The following CERT1 variants were observed in gnomAD, a reference collection of about 807,000 sequenced individuals.
CERT1 encodes ceramide transporter 1, also known as ceramide transfer protein.
Under a neutral mutation model 87.9 loss-of-function variants are expected in CERT1, and 31 were observed. That is an observed-to-expected ratio of 0.35 (90% CI 0.27 to 0.48). CERT1 has a LOEUF of 0.48. Ranked by LOEUF, CERT1 falls within the 20% of genes least tolerant of loss-of-function variation. CERT1 has a pLI of 0.99. For missense variants in CERT1, 487 were observed against 758.0 expected, an observed-to-expected ratio of 0.64 and a Z score of 4.20; for synonymous variants, 289 against 250.9, an observed-to-expected ratio of 1.15 and a Z score of -1.44.
At chr5:75,374,964 T>C (rs1761236478), downstream of CERT1, 1 of 250,994 alleles carries the variant, frequency 4.0e-6, no homozygotes, top group Non-Finnish European at 7.9e-6. Flanking sequence ...CAGTGTATTT[T>C]CATGGAGAAG....
At chr5:75,369,131 G>A (rs1411932706) in intron 17 of CERT1, 1 of 152,048 alleles carries the variant, frequency 6.6e-6, no homozygotes, top group Non-Finnish European at 1.5e-5. Context: ...AGACAGGCTG[G>A]TCTTCAACTC....
intron 3 of CERT1, among the ~76,000 whole-genome samples, chr5:75,442,754 G>A (rs1764377392): frequency 1.3e-5 from 2 of 152,152 alleles, no homozygotes. Flanking sequence ...ATTTTGAAAG[G>A]AGAGAGGGAG....
intron 2 of CERT1, among the ~76,000 whole-genome samples, chr5:75,460,247 T>C (rs1344018602): frequency 6.6e-6 from 1 of 152,188 alleles, no homozygotes; most frequent in Admixed American, 6.5e-5. Context: ...TCAAATCTTA[T>C]GAAATTTAAC....
At chr5:75,468,475 T>C (rs1175542729) in intron 2 of CERT1, among the ~76,000 whole-genome samples, 1 of 152,148 alleles carries the variant, frequency 6.6e-6, no homozygotes, top group Non-Finnish European at 1.5e-5. Context: ...TCATGGTAAC[T>C]GAATCCAGGT....
At position 75,474,907 on chromosome 5, in the gene CERT1, T is replaced by C. The variant is rs777867529; in HGVS notation, c.232-15726A>G. Among the ~76,000 whole-genome samples the C allele has an allele frequency of 1.0e-3, 99 of 96,576 alleles. 1 individual carries two copies. The highest frequency in any genetic ancestry group is 1.7e-3 in the Non-Finnish European group (92 of 53,174). 63.4% of individuals were successfully genotyped at this position (96,576 alleles called of 152,430 possible). A position where few individuals can be genotyped will look rare whatever the true frequency, so the allele number is the denominator to read the frequency against. On this transcript the variant is annotated intron_variant, in intron 2 of 16. Transcript: ENST00000643780. ...AGACTATATGAGTCTAATAATCTCA[T>C]GTAGTCTATTTGAGGGAGTCTAATA...
chr5:75,448,710 C>T (rs1358631402), intron 3 of CERT1, among the ~76,000 whole-genome samples: 1 of 152,088 alleles, frequency 6.6e-6, no homozygotes, highest in East Asian at 1.9e-4. Context: ...TCCCATGTGT[C>T]CCAGTGACTG....
intron 11 of CERT1, among the ~76,000 whole-genome samples, chr5:75,391,921 AAAG>A (rs1459366562): frequency 2.0e-5 from 3 of 152,244 alleles, no homozygotes; most frequent in African/African-American, 7.2e-5. Context: ...GTTACCTATG[AAAG>A]AAGAATGTGA....
chr5:75,387,507 C>T (rs183214653), intron 12 of CERT1, among the ~76,000 whole-genome samples: 4 of 151,818 alleles, frequency 2.6e-5, no homozygotes, highest in Admixed American at 6.6e-5. Context: ...TTTGGGAGGC[C>T]GAGGCGGGCG....
chr5:75,473,921 T>G (rs1765833991), intron 2 of CERT1, among the ~76,000 whole-genome samples: 1 of 152,196 alleles, frequency 6.6e-6, no homozygotes, highest in Non-Finnish European at 1.5e-5. Context: ...TGGCTGTCAA[T>G]CTTAATCATT....
At chr5:75,460,170 T>A (rs1765166753) in intron 2 of CERT1, among the ~76,000 whole-genome samples, 1 of 152,104 alleles carries the variant, frequency 6.6e-6, no homozygotes, top group African/African-American at 2.4e-5. Context: ...TTTTTCTTAC[T>A]CCATTATTCA....
intron 3 of CERT1, among the ~76,000 whole-genome samples, chr5:75,448,329 T>C (rs1049910918): frequency 2.6e-5 from 4 of 152,218 alleles, no homozygotes; most frequent in African/African-American, 9.6e-5. Context: ...ATGAAGTACA[T>C]GGACTTCCTG....
At position 75,416,978 on chromosome 5, in the gene CERT1, C is replaced by T. The variant is rs200264269; in HGVS notation, c.735G>A (p.Ala245=). ...CAGCAGTAGTTGCTTTAAAAGTTAT[C>T]GCTTCCCCTTTAAAGTCTATACCAT... The part of the protein sequence containing the change: ...GINGIDFKGE[A]ITFKATTAGI... Residue 245 remains alanine, a synonymous_variant, in exon 7 of 17, where the codon GCG becomes GCA. Transcript: ENST00000643780. 1.9e-4 allele frequency: 314 copies of T among 1,611,862 alleles called. 1 individual carries two copies. Among genetic ancestry groups the T allele is most frequent in the South Asian group, 1.5e-3 (141 of 90,994 alleles).
chr5:75,416,250 T>C (rs1328118138), intron 7 of CERT1, among the ~76,000 whole-genome samples: 1 of 152,184 alleles, frequency 6.6e-6, no homozygotes, highest in African/African-American at 2.4e-5. Context: ...ACTAGAACTT[T>C]AAGGTATGTT....
intron 2 of CERT1, among the ~76,000 whole-genome samples, chr5:75,487,777 T>C (rs1766593185): frequency 1.3e-5 from 2 of 151,990 alleles, no homozygotes; most frequent in Non-Finnish European, 1.5e-5. Context: ...TGAGATATTA[T>C]CTCATCCCAT....
intron 2 of CERT1, among the ~76,000 whole-genome samples, chr5:75,473,163 C>A (rs1310244673): frequency 6.6e-6 from 1 of 152,154 alleles, no homozygotes; most frequent in African/African-American, 2.4e-5. Flanking sequence ...TCACTGCAAC[C>A]TTGGACTCTT....
rs374973515 is a variant in CERT1, at chr5:75,425,342, T to C, written c.595+19A>G. The stretch of plus-strand genomic sequence containing the variant: ...CCATTCATTCTCCAAGTAAAAATAG[T>C]GGTAATAGCCTAATTAACCTTTATC... On this transcript the variant is annotated intron_variant, in intron 5 of 16. Coordinates refer to ENST00000643780, the MANE Select transcript of CERT1 (RefSeq NM_001379029.1). 2.5e-6 allele frequency: 4 copies of C among 1,602,010 alleles called. No homozygotes were observed. The highest frequency in any genetic ancestry group is 1.1e-5 in the South Asian group (1 of 89,098).
intron 11 of CERT1, among the ~76,000 whole-genome samples, chr5:75,393,763 A>G (rs369524435): frequency 1.3e-5 from 2 of 151,570 alleles, no homozygotes. Flanking sequence ...CAAGAGATAG[A>G]GACCATCCCG....
At chr5:75,496,283 A>AT (rs1460498915) in intron 2 of CERT1, among the ~76,000 whole-genome samples, 3 of 151,128 alleles carry the variant, frequency 2.0e-5, no homozygotes, top group African/African-American at 7.3e-5. Context: ...AATGGTTAAG[A>AT]TTAAAAAAAA....
rs759183024 is a variant in CERT1 at position 75,425,518 on chromosome 5, G to A, written c.457-19C>T. The A allele has an allele frequency of 3.1e-6, 5 of 1,610,600 alleles. No homozygotes were observed. Among genetic ancestry groups the A allele is most frequent in the Middle Eastern group, 1.7e-4 (1 of 6,040 alleles). On this transcript the variant is annotated intron_variant, in intron 4 of 16. Transcript: ENST00000643780. ...GGCCTTTCTGCAAAACATAAAATAG[G>A]GGGATGTAATTCAAGTAAAACAAAA...
Sources: gnomAD v4.1 joint callset for allele counts (sites outside exome capture counted in the v4.1 genomes callset) on GRCh38, gnomAD v4.1.1 for gene constraint, MANE v1.5 for transcripts, NCBI Gene and HGNC (gene_info 2026-07-23, HGNC 2026-07-21) for gene names.